KSR2: variants seen among roughly 807,000 people sequenced by gnomAD.
The protein encoded by KSR2 is kinase suppressor of ras 2.
A neutral mutation model predicts 107.8 loss-of-function variants in KSR2; 25 were observed. That is an observed-to-expected ratio of 0.23 (90% CI 0.17 to 0.32). KSR2 has a LOEUF of 0.32. KSR2 is among the 10% of genes least tolerant of loss of function. KSR2 has a pLI of 1.00. For missense variants in KSR2, 887 were observed against 1,268.9 expected, an observed-to-expected ratio of 0.70 and a Z score of 4.57; for synonymous variants, 480 against 507.0, an observed-to-expected ratio of 0.95 and a Z score of 0.71.
intron 1 of KSR2, among the ~76,000 whole-genome samples, chr12:117,948,904 G>A (rs1896276075): frequency 6.6e-6 from 1 of 152,022 alleles, no homozygotes; most frequent in South Asian, 2.1e-4. Flanking sequence ...GACCAGCCTG[G>A]CCAACATGGT....
chr12:117,751,619 T>A (rs955863491), intron 4 of KSR2, among the ~76,000 whole-genome samples: 5 of 152,168 alleles, frequency 3.3e-5, no homozygotes, highest in Non-Finnish European at 7.3e-5. Flanking sequence ...TAACAGGGCA[T>A]GTCCCCTGCA....
chr12:117,545,670 G>A (rs1876806831), intron 9 of KSR2, among the ~76,000 whole-genome samples: 1 of 152,134 alleles, frequency 6.6e-6, no homozygotes, highest in African/African-American at 2.4e-5. Context: ...TTTTCTCTTT[G>A]TTGGTCTTGC....
chr12:117,800,610 T>G (rs755079233), intron 3 of KSR2, among the ~76,000 whole-genome samples: 3 of 152,194 alleles, frequency 2.0e-5, no homozygotes, highest in Non-Finnish European at 2.9e-5. Context: ...TACTTTAAGT[T>G]CTGGGATACA....
At chr12:117,549,425 A>G (rs1439050251) in intron 9 of KSR2, among the ~76,000 whole-genome samples, 1 of 152,156 alleles carries the variant, frequency 6.6e-6, no homozygotes, top group Non-Finnish European at 1.5e-5. Context: ...AAAGATGGTC[A>G]TCGTCTAACT....
At chr12:117,639,423 A>G (rs1883254200) in intron 5 of KSR2, among the ~76,000 whole-genome samples, 1 of 151,248 alleles carries the variant, frequency 6.6e-6, no homozygotes, top group Non-Finnish European at 1.5e-5. Context: ...TCCGTCTCCC[A>G]GGTTCAAGCA....
At chr12:117,483,347 G>A (rs958998931) in intron 16 of KSR2, among the ~76,000 whole-genome samples, 9 of 151,628 alleles carry the variant, frequency 5.9e-5, no homozygotes, top group East Asian at 1.9e-4. Context: ...CACTTTGTCC[G>A]GGTTCCTGGG....
In KSR2 at chr12:117,819,356, G is replaced by A. The variant is rs1191307447; in HGVS notation, c.472+36072C>T. ...ACATCTACTACGGCATCTTCTAAGTGAGGGCATGCCCTAGAGGGCGTCGTA... is the reference window on the plus strand; with the variant it reads ...ACATCTACTACGGCATCTTCTAAGTAAGGGCATGCCCTAGAGGGCGTCGTA... On this transcript the variant is annotated intron_variant, in intron 3 of 19. Coordinates refer to ENST00000339824, the MANE Select transcript of KSR2 (RefSeq NM_173598.6). Among the ~76,000 whole-genome samples the A allele has an allele frequency of 3.9e-5, 6 of 152,242 alleles. 1 individual carries two copies. The highest frequency in any genetic ancestry group is 8.8e-5 in the Non-Finnish European group (6 of 68,040).
chr12:117,552,374 G>A (rs866013732), intron 9 of KSR2, among the ~76,000 whole-genome samples: 12 of 152,190 alleles, frequency 7.9e-5, no homozygotes, highest in African/African-American at 2.9e-4. Flanking sequence ...AAGAGTTGAG[G>A]TCCGTGTTTC....
intron 5 of KSR2, among the ~76,000 whole-genome samples, chr12:117,602,214 T>C (rs1880997710): frequency 6.6e-6 from 1 of 152,176 alleles, no homozygotes; most frequent in African/African-American, 2.4e-5. Context: ...GTTTTTTTTG[T>C]TTTGCTTTCA....
chr12:117,807,882 C>T (rs564343689), intron 3 of KSR2, among the ~76,000 whole-genome samples: 19 of 152,198 alleles, frequency 1.2e-4, no homozygotes, highest in Non-Finnish European at 2.4e-4. Context: ...CCTCAAAGTT[C>T]CCTTCATTCA....
chr12:117,723,777 T>C (rs1887302903), intron 4 of KSR2, among the ~76,000 whole-genome samples: 1 of 152,190 alleles, frequency 6.6e-6, no homozygotes, highest in Non-Finnish European at 1.5e-5. Context: ...CACTATTTCT[T>C]GTGAGTCTTC....
rs533232258 is a variant in KSR2 at position 117,719,229 on chromosome 12, C to G, written c.986+41782G>C. Among the ~76,000 whole-genome samples the G allele has an allele frequency of 2.0e-5, 3 of 152,282 alleles. No individual in the cohort carries two copies. In the South Asian group the frequency reaches 6.2e-4, roughly 32 times the overall value. On this transcript the variant is annotated intron_variant, in intron 4 of 19. Transcript: ENST00000339824. ...CAATTCAGGTCTTTCCCCCCCTCCA[C>G]CCCAGTCCAGACTGGAGTGCAGTGA...
chr12:117,688,422 A>G (rs371812546), intron 4 of KSR2, among the ~76,000 whole-genome samples: 2 of 152,202 alleles, frequency 1.3e-5, no homozygotes, highest in African/African-American at 4.8e-5. Context: ...AATCAGACTA[A>G]GTACCCGCAA....
At chr12:117,706,166 C>A (rs1194837321) in intron 4 of KSR2, among the ~76,000 whole-genome samples, 2 of 151,586 alleles carry the variant, frequency 1.3e-5, no homozygotes, top group Non-Finnish European at 2.9e-5. Flanking sequence ...GCCTCGGCCT[C>A]CCAAGTAGCT....
chr12:117,554,859 CAA>C (rs1218227162), intron 9 of KSR2, among the ~76,000 whole-genome samples: 1 of 152,170 alleles, frequency 6.6e-6, no homozygotes, highest in African/African-American at 2.4e-5. Context: ...AAGAGCAAAG[CAA>C]GTGAGGTCTG....
chr12:117,930,235 T>C (rs965116062), intron 1 of KSR2, among the ~76,000 whole-genome samples: 1 of 152,050 alleles, frequency 6.6e-6, no homozygotes, highest in Non-Finnish European at 1.5e-5. Context: ...GTTTTAGCCA[T>C]GTTGCCCAGG....
At chr12:117,672,292 C>T (rs969222009) in intron 4 of KSR2, among the ~76,000 whole-genome samples, 5 of 152,112 alleles carry the variant, frequency 3.3e-5, no homozygotes, top group African/African-American at 9.7e-5. Flanking sequence ...GCAGTATATC[C>T]CACAGATGCA....
At chr12:117,581,924 G>T (rs1263474938) in intron 6 of KSR2, among the ~76,000 whole-genome samples, 1 of 151,664 alleles carries the variant, frequency 6.6e-6, no homozygotes, top group African/African-American at 2.4e-5. Context: ...CATTTAATCT[G>T]CACAGTCACC....
intron 6 of KSR2, among the ~76,000 whole-genome samples, chr12:117,580,927 G>C (rs906295986): frequency 6.6e-6 from 1 of 152,120 alleles, no homozygotes; most frequent in African/African-American, 2.4e-5. Flanking sequence ...TGAGCCAGGG[G>C]CAGGGCCAGT....
Sources: allele counts gnomAD v4.1 joint callset (sites outside exome capture counted in the v4.1 genomes callset), GRCh38; gene constraint gnomAD v4.1.1; transcripts MANE v1.5; gene names NCBI Gene and HGNC (gene_info 2026-07-23, HGNC 2026-07-21).